Variants in GPC6 observed in about 807,000 individuals in gnomAD.
The protein encoded by GPC6 is glypican-6.
GPC6 carries 14 observed loss-of-function variants against 55.2 expected under a neutral mutation model. That is an observed-to-expected ratio of 0.25 (90% CI 0.17 to 0.40). The LOEUF (loss-of-function observed/expected upper bound fraction) is 0.40, where lower values mean the gene tolerates loss of function less well. Among genes scored for constraint, GPC6 ranks in the 10% least tolerant of loss-of-function variants. The pLI, the probability that GPC6 is intolerant of heterozygous loss-of-function variation, is 1.00. For synonymous variants in GPC6, 278 were observed against 259.6 expected (o/e 1.07, Z -0.68); for missense variants, 641 against 708.5 (o/e 0.90, Z 1.08).
chr13:93,385,662 A>G (rs1594134246), intron 1 of GPC6, among the ~76,000 whole-genome samples: 1 of 152,150 alleles, frequency 6.6e-6, no homozygotes, highest in South Asian at 2.1e-4. Flanking sequence ...TATATTCCCT[A>G]CTGTGCTTCC....
intron 1 of GPC6, among the ~76,000 whole-genome samples, chr13:93,391,854 T>C (rs1875645120): frequency 6.6e-6 from 1 of 152,150 alleles, no homozygotes; most frequent in Admixed American, 6.5e-5. Flanking sequence ...TATATTTTGC[T>C]TTTTTCCTAT....
At chr13:93,254,477 T>C (rs1047632031) in intron 1 of GPC6, among the ~76,000 whole-genome samples, 2 of 152,208 alleles carry the variant, frequency 1.3e-5, no homozygotes, top group Non-Finnish European at 2.9e-5. Context: ...AATAGAACAA[T>C]TGTTTCATGA....
At chr13:94,065,579 C>G (rs1884489706) in intron 4 of GPC6, among the ~76,000 whole-genome samples, 1 of 152,196 alleles carries the variant, frequency 6.6e-6, no homozygotes, top group Admixed American at 6.5e-5. Context: ...TCTAACACCG[C>G]TCTATAAATT....
chr13:93,256,351 TA>T (rs1876953328), intron 1 of GPC6, among the ~76,000 whole-genome samples: 1 of 152,034 alleles, frequency 6.6e-6, no homozygotes, highest in African/African-American at 2.4e-5. Context: ...TTTTTTTCCT[TA>T]AAATGCGTTT....
chr13:93,752,895 CG>C (rs1884645158), intron 2 of GPC6, among the ~76,000 whole-genome samples: 1 of 152,162 alleles, frequency 6.6e-6, no homozygotes, highest in Admixed American at 6.6e-5. Flanking sequence ...ATGGATTCAG[CG>C]GGTTGCACAA....
chr13:93,677,969 A>C (rs942362363), intron 2 of GPC6, among the ~76,000 whole-genome samples: 1 of 152,180 alleles, frequency 6.6e-6, no homozygotes, highest in Admixed American at 6.6e-5. Flanking sequence ...ATGGATTAAA[A>C]AATTTAAATA....
At chr13:93,357,440 A>C (rs1433045621) in intron 1 of GPC6, among the ~76,000 whole-genome samples, 1 of 152,222 alleles carries the variant, frequency 6.6e-6, no homozygotes, top group Non-Finnish European at 1.5e-5. Context: ...AATAGATTAT[A>C]GGATCCTAAC....
chr13:93,465,441 A>C (rs1039443147), intron 1 of GPC6, among the ~76,000 whole-genome samples: 1 of 152,200 alleles, frequency 6.6e-6, no homozygotes, highest in African/African-American at 2.4e-5. Context: ...TTCCATTAGC[A>C]CTTGCTGCTT....
At chr13:93,396,432 G>A (rs982767101) in intron 1 of GPC6, among the ~76,000 whole-genome samples, 15 of 152,032 alleles carry the variant, frequency 9.9e-5, no homozygotes, top group African/African-American at 3.4e-4. Flanking sequence ...GCGTGGTGGC[G>A]GGCGCCAGTA....
intron 6 of GPC6, among the ~76,000 whole-genome samples, chr13:94,372,288 T>A (rs558230783): frequency 7.2e-5 from 11 of 152,252 alleles, no homozygotes; most frequent in Admixed American, 3.9e-4. Flanking sequence ...TTTCTGCATT[T>A]CCAACTGAGG....
At chr13:94,349,519 C>A (rs571793502) in intron 6 of GPC6, among the ~76,000 whole-genome samples, 8 of 152,316 alleles carry the variant, frequency 5.3e-5, no homozygotes, top group African/African-American at 1.9e-4. Flanking sequence ...ACCTTCATAG[C>A]ATCAAGTTCA....
chr13:93,488,991 A>T (rs966020370), intron 1 of GPC6, among the ~76,000 whole-genome samples: 2 of 151,598 alleles, frequency 1.3e-5, no homozygotes, highest in African/African-American at 4.8e-5. Flanking sequence ...CCCATTTGTC[A>T]ATTTTGGCTT....
At chr13:93,614,722 A>C (rs1030777342) in intron 2 of GPC6, among the ~76,000 whole-genome samples, 23 of 152,300 alleles carry the variant, frequency 1.5e-4, no homozygotes, top group African/African-American at 4.6e-4. Flanking sequence ...CCAAAAGGAA[A>C]GGGTGCTATA....
intron 2 of GPC6, among the ~76,000 whole-genome samples, chr13:93,649,934 G>A (rs146741725): frequency 3.5e-4 from 53 of 152,166 alleles, no homozygotes; most frequent in Non-Finnish European, 6.8e-4. Flanking sequence ...GTGAATAGAC[G>A]CCCATATTTC....
intron 4 of GPC6, among the ~76,000 whole-genome samples, chr13:94,124,327 T>C (rs1886734145): frequency 6.6e-6 from 1 of 152,142 alleles, no homozygotes; most frequent in South Asian, 2.1e-4. Flanking sequence ...GGCTCATTTA[T>C]TCATTCAACA....
intron 3 of GPC6, among the ~76,000 whole-genome samples, chr13:93,886,045 T>C (rs571075084): frequency 2.6e-5 from 4 of 152,236 alleles, no homozygotes; most frequent in Admixed American, 2.0e-4. Context: ...TTGAATGTTA[T>C]TGAAATAGTT....
rs144440794 is a variant in GPC6, at chr13:93,393,127, T to TAGAGAGAGAG, written c.161-152113_161-152104dup. The stretch of plus-strand genomic sequence containing the variant: ...TATTTGATATATATATATATATATA[T>TAGAGAGAGAG]AGAGAGAGAGAGAGAGAGAGAGAGA... On this transcript the variant is annotated intron_variant, in intron 1 of 8. Coordinates refer to ENST00000377047, the MANE Select transcript of GPC6 (RefSeq NM_005708.5). Among the ~76,000 whole-genome samples the TAGAGAGAGAG allele has an allele frequency of 1.0e-4, 9 of 87,620 alleles. No homozygotes were observed. The South Asian group carries it at 1.6e-3, about 15-fold the overall frequency. 57.5% of individuals were successfully genotyped at this position (87,620 alleles called of 152,430 possible). A position where few individuals can be genotyped will look rare whatever the true frequency, so the allele number is the denominator to read the frequency against.
rs3044333 is a variant in GPC6 at position 94,387,730 on chromosome 13, TTCTC to T, written c.1289+5212_1289+5215del. Among the ~76,000 whole-genome samples the T allele has an allele frequency of 2.5e-3, 349 of 141,198 alleles. 1 individual carries two copies. Among genetic ancestry groups the T allele is most frequent in the Admixed American group, 4.8e-3 (68 of 14,136 alleles). 92.6% of individuals were successfully genotyped at this position (141,198 alleles called of 152,430 possible). A position where few individuals can be genotyped will look rare whatever the true frequency, so the allele number is the denominator to read the frequency against. On this transcript the variant is annotated intron_variant, in intron 7 of 8. Coordinates refer to ENST00000377047, the MANE Select transcript of GPC6 (RefSeq NM_005708.5). ...TACCCTTGTAAGAGGAGACATGAGT[TTCTC>T]TCTCTCTCTCTCTCTCTCTCTCTCT... is the stretch of plus-strand genomic sequence containing the variant.
intron 2 of GPC6, among the ~76,000 whole-genome samples, chr13:93,661,512 C>T (rs1880919360): frequency 6.6e-6 from 1 of 152,020 alleles, no homozygotes; most frequent in Non-Finnish European, 1.5e-5. Context: ...CCTGTATTAC[C>T]TTTCTTTTTA....
Sources: allele counts gnomAD v4.1 joint callset (sites outside exome capture counted in the v4.1 genomes callset), GRCh38; gene constraint gnomAD v4.1.1; transcripts MANE v1.5; gene names NCBI Gene and HGNC (gene_info 2026-07-23, HGNC 2026-07-21).